MARK1: variants seen among roughly 807,000 people sequenced by gnomAD.
The protein encoded by MARK1 is microtubule affinity regulating kinase 1, also known as serine/threonine-protein kinase MARK1.
A neutral mutation model predicts 96.3 loss-of-function variants in MARK1; 40 were observed. That is an observed-to-expected ratio of 0.42 (90% CI 0.32 to 0.54). MARK1 has a LOEUF of 0.54. MARK1 is among the 20% of genes least tolerant of loss of function. The pLI is 0.16. For missense variants in MARK1, 719 were observed against 984.6 expected, an observed-to-expected ratio of 0.73 and a Z score of 3.61; for synonymous variants, 317 against 341.2, an observed-to-expected ratio of 0.93 and a Z score of 0.78.
intron 5 of MARK1, among the ~76,000 whole-genome samples, chr1:220,601,495 A>G (rs1665748118): frequency 6.6e-6 from 1 of 152,006 alleles, no homozygotes. Context: ...ATAATGAACT[A>G]TTTCTCTATT....
intron 6 of MARK1, among the ~76,000 whole-genome samples, chr1:220,608,348 G>A (rs1281529448): frequency 1.3e-5 from 2 of 152,268 alleles, no homozygotes; most frequent in South Asian, 2.1e-4. Context: ...GCATAGAGGT[G>A]TTTATAGTAT....
chr1:220,647,352 C>T (rs1381390471), intron 13 of MARK1, among the ~76,000 whole-genome samples: 3 of 152,102 alleles, frequency 2.0e-5, no homozygotes, highest in African/African-American at 7.2e-5. Flanking sequence ...TAATGAGATA[C>T]CATCTCATGC....
At position 220,558,691 on chromosome 1, in the gene MARK1, T is replaced by C. The variant is rs1431066427; in HGVS notation, c.52-20663T>C. Among the ~76,000 whole-genome samples, 10 of 151,992 alleles carry C rather than the reference T, an allele frequency of 6.6e-5. No individual in the cohort carries two copies. The South Asian group carries it at 1.0e-3, about 16-fold the overall frequency. On this transcript the variant is annotated intron_variant, in intron 1 of 17. Coordinates refer to ENST00000366917, the MANE Select transcript of MARK1 (RefSeq NM_018650.5). ...ATATATAACAACATGGTCCAAAATA[T>C]ATAAAACAAAAAATTGATATATTTA...
At chr1:220,632,152 T>C (rs765367488) in intron 10 of MARK1, 49 bp from the exon 11 acceptor site, 22 of 898,184 alleles carry the variant, frequency 2.4e-5, no homozygotes, top group Non-Finnish European at 3.6e-5. Flanking sequence ...TTGATTTGTT[T>C]ACGAAAATAA....
At chr1:220,554,241 C>G (rs1330035295) in intron 1 of MARK1, among the ~76,000 whole-genome samples, 1 of 152,130 alleles carries the variant, frequency 6.6e-6, no homozygotes, top group Non-Finnish European at 1.5e-5. Flanking sequence ...CTCACCAGAT[C>G]TAGTCAGTGT....
intron 3 of MARK1, among the ~76,000 whole-genome samples, chr1:220,593,619 A>G (rs1247945701): frequency 1.3e-5 from 2 of 152,072 alleles, no homozygotes; most frequent in Non-Finnish European, 2.9e-5. Context: ...TCAGCCTGGG[A>G]GTCTCTGGGC....
intron 13 of MARK1, among the ~76,000 whole-genome samples, chr1:220,644,170 CAT>C (rs1256265690): frequency 6.6e-6 from 1 of 152,086 alleles, no homozygotes; most frequent in African/African-American, 2.4e-5. Flanking sequence ...ATTCAAGAGA[CAT>C]ATCTCATGTG....
intron 1 of MARK1, among the ~76,000 whole-genome samples, chr1:220,579,108 C>T (rs559374543): frequency 3.9e-5 from 6 of 152,236 alleles, no homozygotes; most frequent in Non-Finnish European, 7.4e-5. Flanking sequence ...TCCTTAAGTG[C>T]TGGGATTACA....
At chr1:220,571,314 TA>T (rs1663435925) in intron 1 of MARK1, among the ~76,000 whole-genome samples, 1 of 152,110 alleles carries the variant, frequency 6.6e-6, no homozygotes, top group Non-Finnish European at 1.5e-5. Flanking sequence ...GAACATGGTT[TA>T]AAAAAATAAG....
chr1:220,544,824 A>T (rs1180624052), intron 1 of MARK1, among the ~76,000 whole-genome samples: 1 of 152,226 alleles, frequency 6.6e-6, no homozygotes, highest in African/African-American at 2.4e-5. Context: ...TCCTTTTGGG[A>T]TCAGCAATGC....
chr1:220,656,823 A>G (rs2103068106), intron 16 of MARK1, among the ~76,000 whole-genome samples: 1 of 152,246 alleles, frequency 6.6e-6, no homozygotes, highest in South Asian at 2.1e-4. Context: ...TAAGAAAGGC[A>G]TGTATTAGTT....
intron 1 of MARK1, among the ~76,000 whole-genome samples, chr1:220,570,544 ACTC>A (rs1384427336): frequency 6.6e-6 from 1 of 151,860 alleles, no homozygotes; most frequent in Non-Finnish European, 1.5e-5. Flanking sequence ...ACTTAGTACT[ACTC>A]TATGTTTTTA....
intron 1 of MARK1, among the ~76,000 whole-genome samples, chr1:220,555,997 A>G (rs571283292): frequency 2.8e-4 from 43 of 152,378 alleles, no homozygotes; most frequent in African/African-American, 9.9e-4. Context: ...GCTTTAAAGG[A>G]CAAAGGAATG....
At chr1:220,608,318 C>G (rs999223679) in intron 6 of MARK1, among the ~76,000 whole-genome samples, 1 of 152,282 alleles carries the variant, frequency 6.6e-6, no homozygotes, top group South Asian at 2.1e-4. Flanking sequence ...TCCATTTCTT[C>G]TAGATTTTCT....
At chr1:220,549,670 G>A (rs1388520454) in intron 1 of MARK1, among the ~76,000 whole-genome samples, 1 of 152,184 alleles carries the variant, frequency 6.6e-6, no homozygotes, top group Non-Finnish European at 1.5e-5. Context: ...GAGGAGAGTT[G>A]TTTAGTGACA....
intron 1 of MARK1, among the ~76,000 whole-genome samples, chr1:220,562,521 T>C (rs1289008127): frequency 6.6e-6 from 1 of 152,034 alleles, no homozygotes; most frequent in Non-Finnish European, 1.5e-5. Context: ...TCAGCCATAA[T>C]GAGTAAAGGA....
chr1:220,557,411 G>C (rs1662348411), intron 1 of MARK1, among the ~76,000 whole-genome samples: 1 of 151,830 alleles, frequency 6.6e-6, no homozygotes, highest in Non-Finnish European at 1.5e-5. Flanking sequence ...TGTTAAAGTA[G>C]AGCTGGACCT....
At chr1:220,627,887 T>G (rs1273030293) in intron 9 of MARK1, 1 of 152,562 alleles carries the variant, frequency 6.6e-6, no homozygotes, top group African/African-American at 2.4e-5. Context: ...GGCTCTGTCC[T>G]CATACCTTCC....
chr1:220,555,690 A>C (rs1412143103), intron 1 of MARK1, among the ~76,000 whole-genome samples: 7 of 152,220 alleles, frequency 4.6e-5, no homozygotes, highest in Admixed American at 4.6e-4. Flanking sequence ...ATGTTTGGCT[A>C]TGAGAAATCT....
Sources: allele counts gnomAD v4.1 joint callset (sites outside exome capture counted in the v4.1 genomes callset), GRCh38; gene constraint gnomAD v4.1.1; transcripts MANE v1.5; gene names NCBI Gene and HGNC (gene_info 2026-07-23, HGNC 2026-07-21).